The following ITSN1 variants were observed in gnomAD, a reference collection of about 807,000 sequenced individuals.
The protein encoded by ITSN1 is intersectin-1.
A neutral mutation model predicts 239.8 loss-of-function variants in ITSN1; 58 were observed. That is an observed-to-expected ratio of 0.24 (90% CI 0.20 to 0.30). The LOEUF (loss-of-function observed/expected upper bound fraction) is 0.30, where lower values mean the gene tolerates loss of function less well. ITSN1 is among the 10% of genes least tolerant of loss of function. The probability of loss-of-function intolerance (pLI) is 1.00; values close to 1 mark genes in which losing one functional copy is unlikely to be tolerated. For synonymous variants in ITSN1, 780 were observed against 770.8 expected, an observed-to-expected ratio of 1.01 and a Z score of -0.20; for missense variants, 1,558 against 2,103.3, an observed-to-expected ratio of 0.74 and a Z score of 5.07.
At chr21:33,771,554 G>A (rs1189900074) in intron 11 of ITSN1, among the ~76,000 whole-genome samples, 1 of 152,202 alleles carries the variant, frequency 6.6e-6, no homozygotes, top group Non-Finnish European at 1.5e-5. Context: ...TGAATAATGG[G>A]TTAGAAAAAA....
rs1466141108 is a variant in ITSN1, at chr21:33,894,446, C to T, written c.*6146C>T. ...ATAGGATTCTGTTCGATTTTCTATA[C>T]CAGCCTATATTGTTACTATCATCTG... On this transcript the variant is annotated 3_prime_UTR_variant, in exon 40 of 40. Transcript: ENST00000381318. 6.6e-6 allele frequency: 1 copy of T among 151,924 alleles called. No individual in the cohort carries two copies. The highest frequency in any genetic ancestry group is 2.4e-5 in the African/African-American group (1 of 41,336). 9.4% of individuals were successfully genotyped at this position (151,924 alleles called of 1,614,324 possible). A position where few individuals can be genotyped will look rare whatever the true frequency, so the allele number is the denominator to read the frequency against.
At chr21:33,717,727 T>G (rs111872057) in intron 1 of ITSN1, among the ~76,000 whole-genome samples, 12,275 of 140,504 alleles carry the variant, frequency 0.087, 580 homozygotes, top group African/African-American at 0.13. Context: ...AGCTAATTTT[T>G]TTTGTGTGTG....
At chr21:33,811,350 A>T in intron 21 of ITSN1, 128 bp downstream of exon 21, 1 of 821,926 alleles carries the variant, frequency 1.2e-6, no homozygotes, top group Non-Finnish European at 1.9e-6. Context: ...CATTTTCAGT[A>T]CTCCTTTCTC....
rs2071658457 is a variant in ITSN1, at chr21:33,797,559, A to G, written c.2133A>G (p.Gln711=). ...ACAAGCTGGGTCGGCTTTTCCATCA[A>G]CACCAAGAACCAGCTAAGCCAGCTG... ...AQDKLGRLFH[Q]HQEPAKPAVQ... is the part of the protein sequence containing the mutation. Residue 711 remains glutamine (Q), a synonymous_variant, in exon 18 of 40, where the codon CAA becomes CAG. Coordinates refer to ENST00000381318, the MANE Select transcript of ITSN1 (RefSeq NM_003024.3). This position sits in a 1 kb window ranked among gnomAD's most constrained non-coding sequence, Gnocchi z 4.9. The G allele has an allele frequency of 2.5e-6, 4 of 1,613,996 alleles. No homozygotes were observed.
intron 14 of ITSN1, among the ~76,000 whole-genome samples, chr21:33,778,072 G>A (rs2069794971): frequency 1.3e-5 from 2 of 152,194 alleles, no homozygotes; most frequent in African/African-American, 4.8e-5. Context: ...ATATGATGAA[G>A]TACATGGTTG....
intron 36 of ITSN1, among the ~76,000 whole-genome samples, chr21:33,884,741 G>T (rs1985500511): frequency 6.6e-6 from 1 of 152,206 alleles, no homozygotes; most frequent in African/African-American, 2.4e-5. Flanking sequence ...CTTCGGTAAG[G>T]AAGGAAGAGG....
intron 10 of ITSN1, among the ~76,000 whole-genome samples, chr21:33,766,827 T>C (rs1289388769): frequency 6.6e-6 from 1 of 152,188 alleles, no homozygotes; most frequent in Non-Finnish European, 1.5e-5. Flanking sequence ...TGATAATGAA[T>C]GCGTAAAAAG....
At chr21:33,826,351 G>C (rs1188439464) in intron 25 of ITSN1, among the ~76,000 whole-genome samples, 1 of 152,128 alleles carries the variant, frequency 6.6e-6, no homozygotes, top group Non-Finnish European at 1.5e-5. Flanking sequence ...AGCTCCTGAA[G>C]CAAATGTGCA....
chr21:33,752,026 G>A (rs2067589296), intron 7 of ITSN1, 120 bp downstream of exon 7: 4 of 690,292 alleles, frequency 5.8e-6, no homozygotes, highest in South Asian at 5.4e-5. Context: ...GTAGGCTTTT[G>A]TAGAGTGCTA....
At chr21:33,810,939 A>G in intron 20 of ITSN1, 36 bp from the exon 21 acceptor site, 1 of 1,614,060 alleles carries the variant, frequency 6.2e-7, no homozygotes, top group Non-Finnish European at 8.5e-7. Context: ...TCAGGGGTTA[A>G]TTTAGTTCTA....
rs934880940 is a variant in ITSN1 at position 33,895,523 on chromosome 21, ATGTGTGTGTGTCTACG to A, written c.*7232_*7247del. On this transcript the variant is annotated 3_prime_UTR_variant, in exon 40 of 40. Transcript: ENST00000381318. The stretch of plus-strand genomic sequence containing the variant: ...TGTGCGTGCGCGTGTTTGTGTGTGC[ATGTGTGTGTGTCTACG>A]TGTGTGTGCACGCATGTGTGTGCGT... 2 of 81,076 alleles carry A rather than the reference ATGTGTGTGTGTCTACG, an allele frequency of 2.5e-5. No individual in the cohort carries two copies. Among genetic ancestry groups the A allele is most frequent in the African/African-American group, 9.5e-5 (2 of 20,966 alleles). The allele number at this position is 81,076 out of a possible 1,614,324, so 5.0% of individuals were successfully genotyped here.
intron 33 of ITSN1, among the ~76,000 whole-genome samples, chr21:33,873,778 A>G (rs573373749): frequency 3.2e-4 from 48 of 152,342 alleles, no homozygotes; most frequent in Non-Finnish European, 4.9e-4. Context: ...AAGCTGTGGC[A>G]GGAGGATTGC....
intron 5 of ITSN1, among the ~76,000 whole-genome samples, chr21:33,745,446 T>A (rs149997268): frequency 6.6e-6 from 1 of 152,300 alleles, no homozygotes; most frequent in East Asian, 1.9e-4. Flanking sequence ...AGGGCAGAAT[T>A]GACAGAATAA....
chr21:33,683,084 T>C lies in ITSN1; in HGVS notation c.-32-35713T>C, dbSNP rs560498165. On this transcript the variant is annotated intron_variant, in intron 1 of 39. Coordinates refer to ENST00000381318, the MANE Select transcript of ITSN1 (RefSeq NM_003024.3). ...CTCTTCCCTCTCACCATGGCAAGAGTGAAAGGGACCAGAATGATGAAAGGT... is the reference window on the plus strand; with the variant it reads ...CTCTTCCCTCTCACCATGGCAAGAGCGAAAGGGACCAGAATGATGAAAGGT... Among the ~76,000 whole-genome samples the C allele has an allele frequency of 2.6e-5, 4 of 151,848 alleles. No individual in the cohort carries two copies. In the South Asian group the frequency reaches 8.3e-4, roughly 32 times the overall value.
chr21:33,813,864 G>A (rs1222068810), intron 21 of ITSN1, 49 bp from the exon 22 acceptor site: 4 of 1,534,760 alleles, frequency 2.6e-6, no homozygotes, highest in Admixed American at 3.7e-5. Context: ...TAAAAAGCTG[G>A]TATATTAGGG....
At chr21:33,800,460 G>A (rs1307202920) in intron 19 of ITSN1, among the ~76,000 whole-genome samples, 4 of 152,004 alleles carry the variant, frequency 2.6e-5, no homozygotes, top group Non-Finnish European at 1.5e-5. Context: ...TCTCATAATT[G>A]CAATAACTTT....
intron 19 of ITSN1, among the ~76,000 whole-genome samples, chr21:33,800,454 A>G (rs2834263): frequency 0.14 from 21,164 of 152,092 alleles, 1,880 homozygotes; most frequent in East Asian, 0.28. Context: ...AATCATTCTC[A>G]TAATTGCAAT....
intron 26 of ITSN1, chr21:33,828,944 A>G (rs1028611458): frequency 2.1e-6 from 1 of 471,328 alleles, no homozygotes; most frequent in South Asian, 1.6e-5. Flanking sequence ...TTGTTTTTGC[A>G]TAAAGTTCCC....
At position 33,656,997 on chromosome 21, in the gene ITSN1, AG is replaced by A. The variant is rs2089148631; in HGVS notation, c.-33+14286del. Reference sequence around the variant, plus strand: ...CAGCCTCCCAAAGTGCTGGGATTACAGGCGTGAGCCACCATGTCCGGCCTTT... The same window carrying A: ...CAGCCTCCCAAAGTGCTGGGATTACAGCGTGAGCCACCATGTCCGGCCTTT... On this transcript the variant is annotated intron_variant, in intron 1 of 39. Transcript: ENST00000381318. Among the ~76,000 whole-genome samples, 3 of 152,304 alleles carry A rather than the reference AG, an allele frequency of 2.0e-5. No individual in the cohort carries two copies. The South Asian group carries it at 6.2e-4, about 32-fold the overall frequency.
Sources: gnomAD v4.1 joint callset for allele counts (sites outside exome capture counted in the v4.1 genomes callset) on GRCh38, gnomAD v4.1.1 for gene constraint, Gnocchi (gnomAD v3.1) non-coding constraint, MANE v1.5 for transcripts, NCBI Gene and HGNC (gene_info 2026-07-23, HGNC 2026-07-21) for gene names.